The following ADGB variants were observed in gnomAD, a reference collection of about 807,000 sequenced individuals.
ADGB encodes androglobin, also known as calpain-7-like protein.
In ADGB, 172 loss-of-function variants were observed where a neutral mutation model predicts 210.5. The observed-to-expected ratio is 0.82, with a 90% CI of 0.72 to 0.93. The LOEUF is 0.93. Among genes scored for constraint, ADGB ranks in the 40% least tolerant of loss-of-function variants. ADGB has a pLI of 0.00. For missense variants in ADGB, 2,025 were observed against 1,964.8 expected (o/e 1.03, Z -0.58); for synonymous variants, 658 against 662.7 (o/e 0.99, Z 0.11).
intron 9 of ADGB, among the ~76,000 whole-genome samples, chr6:146,681,696 TA>T (rs1256523831): frequency 2.0e-5 from 3 of 152,140 alleles, no homozygotes; most frequent in Non-Finnish European, 4.4e-5. Context: ...TATATTATTT[TA>T]AAACTTGTAT....
Position 146,752,624 on chromosome 6 carries a change from G to T in ADGB, c.3460G>T (p.Glu1154Ter). 1.9e-6 allele frequency: 3 copies of T among 1,550,896 alleles called. No individual in the cohort carries two copies. Among genetic ancestry groups the T allele is most frequent in the Non-Finnish European group, 2.6e-6 (3 of 1,146,458 alleles). The change falls in exon 27 of 36, where the codon GAA (glutamate) becomes TAA (stop). Residue 1154 changes from glutamate to a stop codon, truncating the protein, a stop_gained. Coordinates refer to ENST00000397944, the MANE Select transcript of ADGB (RefSeq NM_024694.4). LOFTEE classifies it high-confidence loss of function. ...AFIKLQVLENEETMVSSTGKG... is the reference protein window; with the variant it reads ...AFIKLQVLEN Reference sequence around the variant, plus strand: ...CATCAAGCTGCAGGTCCTAGAAAATGAAGAAACTATGGTGAGCTCCACTGG... The same window carrying T: ...CATCAAGCTGCAGGTCCTAGAAAATTAAGAAACTATGGTGAGCTCCACTGG...
chr6:146,607,751 G>C (rs953736281), intron 1 of ADGB, among the ~76,000 whole-genome samples: 2 of 152,074 alleles, frequency 1.3e-5, no homozygotes, highest in Non-Finnish European at 2.9e-5. Context: ...CTACTTTATT[G>C]TGGTAAATTA....
intron 2 of ADGB, among the ~76,000 whole-genome samples, chr6:146,635,743 G>A (rs1339359112): frequency 6.6e-6 from 1 of 151,818 alleles, no homozygotes; most frequent in African/African-American, 2.4e-5. Context: ...TCATATTTGG[G>A]TAAATTGGAA....
chr6:146,605,580 T>G (rs1780619657), intron 1 of ADGB, among the ~76,000 whole-genome samples: 1 of 152,094 alleles, frequency 6.6e-6, no homozygotes, highest in South Asian at 2.1e-4. Flanking sequence ...AACAGCAAAC[T>G]CAGTGCAGGA....
chr6:146,684,115 C>T lies in ADGB; in HGVS notation c.1217-1619C>T, dbSNP rs373388624. On this transcript the variant is annotated intron_variant, in intron 9 of 35. Coordinates refer to ENST00000397944, the MANE Select transcript of ADGB (RefSeq NM_024694.4). ...TTTTGTAAAGAAGCCCAATCTTGCT[C>T]AGTAGCCAGGCTCAGAGAGGAACCC... Among the ~76,000 whole-genome samples the T allele has an allele frequency of 5.9e-5, 9 of 152,032 alleles. No homozygotes were observed. In the East Asian group the frequency reaches 1.2e-3, roughly 20 times the overall value.
chr6:146,782,660 T>C (rs1270741428), intron 30 of ADGB, among the ~76,000 whole-genome samples: 1 of 152,048 alleles, frequency 6.6e-6, no homozygotes, highest in African/African-American at 2.4e-5. Context: ...CATTAAAGTA[T>C]GAGAGATGAG....
In ADGB at chr6:146,752,659, A is replaced by G; in HGVS notation, c.3495A>G (p.Gln1165=). ...ETMVSSTGKG[Q]AIIPAFHFLK... is the part of the protein sequence containing the mutation. The stretch of plus-strand genomic sequence containing the variant: ...TGGTGAGCTCCACTGGAAAAGGCCA[A>G]GCTATAATCCCAGCATTTCACTTCT... Residue 1165 remains glutamine, a synonymous_variant, in exon 27 of 36, where the codon CAA becomes CAG. Coordinates refer to ENST00000397944, the MANE Select transcript of ADGB (RefSeq NM_024694.4). 2 of 1,550,996 alleles carry G rather than the reference A, an allele frequency of 1.3e-6. No homozygotes were observed. Among genetic ancestry groups the G allele is most frequent in the Non-Finnish European group, 1.7e-6 (2 of 1,146,464 alleles).
At chr6:146,703,806 AT>A (rs1438020869) in intron 13 of ADGB, among the ~76,000 whole-genome samples, 2 of 150,682 alleles carry the variant, frequency 1.3e-5, no homozygotes, top group Non-Finnish European at 3.0e-5. Flanking sequence ...CACTGATTTC[AT>A]TTCCTTTGGA....
chr6:146,699,525 T>C (rs1387273924), intron 12 of ADGB, among the ~76,000 whole-genome samples: 1 of 152,068 alleles, frequency 6.6e-6, no homozygotes, highest in Non-Finnish European at 1.5e-5. Flanking sequence ...CCCATCTACA[T>C]TGAGGGTGGA....
chr6:146,652,906 A>T (rs1424369092), intron 3 of ADGB, among the ~76,000 whole-genome samples: 1 of 152,192 alleles, frequency 6.6e-6, no homozygotes, highest in Non-Finnish European at 1.5e-5. Context: ...AGTGGTCCCC[A>T]ACCCTGGTCC....
chr6:146,769,226 A>G (rs1056320938), intron 29 of ADGB, 95 bp downstream of exon 29: 8 of 612,250 alleles, frequency 1.3e-5, no homozygotes, highest in Admixed American at 2.6e-5. Context: ...TGAAAATATC[A>G]TTGTATGATG....
chr6:146,813,454 T>A (rs1359741839), intron 35 of ADGB, among the ~76,000 whole-genome samples: 1 of 151,640 alleles, frequency 6.6e-6, no homozygotes, highest in Non-Finnish European at 1.5e-5. Flanking sequence ...GATGCAGAAA[T>A]TTTTTTTCTC....
intron 14 of ADGB, 80 bp downstream of exon 14, chr6:146,715,495 C>G (rs1166677401): frequency 4.2e-6 from 4 of 959,792 alleles, no homozygotes; most frequent in Non-Finnish European, 6.0e-6. Context: ...GACAGCTTCC[C>G]TTCTGGCTCT....
At chr6:146,719,213 A>G (rs1353230955) in intron 16 of ADGB, among the ~76,000 whole-genome samples, 1 of 152,220 alleles carries the variant, frequency 6.6e-6, no homozygotes, top group Non-Finnish European at 1.5e-5. Flanking sequence ...AAGAATGCCT[A>G]TTAGTAAGTA....
intron 5 of ADGB, among the ~76,000 whole-genome samples, chr6:146,658,895 G>T (rs1001636615): frequency 6.6e-6 from 1 of 152,168 alleles, no homozygotes; most frequent in Non-Finnish European, 1.5e-5. Flanking sequence ...TGCCTACAGA[G>T]GATGCTGTGA....
Position 146,726,440 on chromosome 6 carries a change from G to A in ADGB, c.2352+243G>A, listed in dbSNP as rs569940640. 1.8e-4 allele frequency among the ~76,000 whole-genome samples: 28 copies of A among 152,206 alleles called. 1 individual carries two copies. The highest frequency in any genetic ancestry group is 1.2e-3 in the Admixed American group (18 of 15,294). ...GGGTTTCACTATGTTGGCCAGGCTA[G>A]TCTCAAACTCCTGACCTTGTGATCT... is the stretch of plus-strand genomic sequence containing the variant. On this transcript the variant is annotated intron_variant, in intron 19 of 35. Transcript: ENST00000397944.
chr6:146,608,543 G>A (rs1002946606), intron 1 of ADGB, among the ~76,000 whole-genome samples: 1 of 152,116 alleles, frequency 6.6e-6, no homozygotes, highest in African/African-American at 2.4e-5. Context: ...CACTGCTTTA[G>A]CAGTGTCCCA....
At chr6:146,626,765 G>A (rs999548158) in intron 1 of ADGB, among the ~76,000 whole-genome samples, 2 of 150,502 alleles carry the variant, frequency 1.3e-5, no homozygotes, top group African/African-American at 2.4e-5. Context: ...AGTCTTTCTC[G>A]AGTTTGAGTT....
intron 1 of ADGB, among the ~76,000 whole-genome samples, chr6:146,606,951 T>A (rs1244589963): frequency 6.6e-6 from 1 of 152,146 alleles, no homozygotes; most frequent in African/African-American, 2.4e-5. Flanking sequence ...ACATTGGTAT[T>A]GATAGGAATA....
Sources: allele counts gnomAD v4.1 joint callset (sites outside exome capture counted in the v4.1 genomes callset), GRCh38; gene constraint gnomAD v4.1.1; transcripts MANE v1.5; gene names NCBI Gene and HGNC (gene_info 2026-07-23, HGNC 2026-07-21).